The following SNRNP40 variants were observed in gnomAD, a reference collection of about 807,000 sequenced individuals.
SNRNP40 encodes small nuclear ribonucleoprotein U5 subunit 40.
Under a neutral mutation model 45.8 loss-of-function variants are expected in SNRNP40, and 21 were observed. The observed-to-expected ratio is 0.46, with a 90% CI of 0.32 to 0.66. The LOEUF (loss-of-function observed/expected upper bound fraction) is 0.66. Among genes scored for constraint, SNRNP40 ranks in the 30% least tolerant of loss-of-function variants. The pLI is 0.03. For synonymous variants in SNRNP40, 142 were observed against 163.8 expected, an observed-to-expected ratio of 0.87 and a Z score of 1.01; for missense variants, 344 against 439.1, an observed-to-expected ratio of 0.78 and a Z score of 1.94.
intron 5 of SNRNP40, among the ~76,000 whole-genome samples, chr1:31,274,010 G>A (rs966422330): frequency 6.6e-6 from 1 of 151,760 alleles, no homozygotes; most frequent in Non-Finnish European, 1.5e-5. Context: ...GTATTTACTA[G>A]GACAAGATAA....
At chr1:31,269,395 CTCTTT>C in intron 6 of SNRNP40, 155 bp from the exon 7 acceptor site, 1 of 1,397,888 alleles carries the variant, frequency 7.2e-7, no homozygotes, top group Non-Finnish European at 9.3e-7. Context: ...CCTGTTAAGG[CTCTTT>C]TCTTTTTCAA....
At chr1:31,278,018 CAACA>C (rs937714864) in intron 5 of SNRNP40, among the ~76,000 whole-genome samples, 2 of 152,138 alleles carry the variant, frequency 1.3e-5, no homozygotes, top group African/African-American at 4.8e-5. Flanking sequence ...TTACTATCAC[CAACA>C]GAGTACTGAA....
At chr1:31,281,596 A>G (rs546220066) in intron 4 of SNRNP40, 100 bp from the exon 5 acceptor site, 20 of 1,040,514 alleles carry the variant, frequency 1.9e-5, no homozygotes, top group Non-Finnish European at 2.7e-5. Flanking sequence ...GGACATGAAC[A>G]CATCTATAAT....
chr1:31,278,923 T>C (rs1454541317), intron 5 of SNRNP40, among the ~76,000 whole-genome samples: 1 of 151,996 alleles, frequency 6.6e-6, no homozygotes, highest in South Asian at 2.1e-4. Flanking sequence ...CATAATGGTA[T>C]GTAGAGAAGG....
chr1:31,266,757 C>T (rs186940252), intron 8 of SNRNP40, among the ~76,000 whole-genome samples: 267 of 152,306 alleles, frequency 1.8e-3, no homozygotes, highest in Middle Eastern at 0.014. Context: ...GCAGGCATTA[C>T]CAATAGCTGA....
intron 1 of SNRNP40, among the ~76,000 whole-genome samples, chr1:31,296,180 G>A (rs1646154169): frequency 6.6e-6 from 1 of 152,152 alleles, no homozygotes; most frequent in Non-Finnish European, 1.5e-5. Flanking sequence ...AATAATACTA[G>A]TGCAGAGAAA....
chr1:31,271,737 G>A (rs7553457), intron 5 of SNRNP40, among the ~76,000 whole-genome samples: 3,429 of 151,324 alleles, frequency 0.023, 116 homozygotes, highest in African/African-American at 0.078. Flanking sequence ...TTGACTTCCC[G>A]GGCTCAGGTG....
chr1:31,280,426 T>C (rs1258984521), intron 5 of SNRNP40, among the ~76,000 whole-genome samples: 2 of 151,912 alleles, frequency 1.3e-5, no homozygotes, highest in Non-Finnish European at 2.9e-5. Flanking sequence ...CCTCCCAAAG[T>C]GCAGGGATTT....
chr1:31,284,014 CAG>C lies in SNRNP40; in HGVS notation c.532-2520_532-2519del, dbSNP rs372540091. Reference sequence around the variant, plus strand: ...CGAGGCCAGGAGGATGGCTTTAGCCCAGAGTTAGCGACCAGCCTGAGCAACAT... The same window carrying C: ...CGAGGCCAGGAGGATGGCTTTAGCCCAGTTAGCGACCAGCCTGAGCAACAT... On this transcript the variant is annotated intron_variant, in intron 4 of 9. Coordinates refer to ENST00000263694, the MANE Select transcript of SNRNP40 (RefSeq NM_004814.3). Among the ~76,000 whole-genome samples, 215 of 152,250 alleles carry C rather than the reference CAG, an allele frequency of 1.4e-3. 6 individuals are homozygous for C. The South Asian group carries it at 0.042, about 30-fold the overall frequency.
chr1:31,263,271 T>C (rs1446755462), intron 8 of SNRNP40: 2 of 152,686 alleles, frequency 1.3e-5, no homozygotes, highest in Non-Finnish European at 2.9e-5. Context: ...CCAGTATTTT[T>C]ATCATCACAG....
chr1:31,266,235 C>T (rs1172404026), intron 8 of SNRNP40, among the ~76,000 whole-genome samples: 1 of 152,094 alleles, frequency 6.6e-6, no homozygotes, highest in Non-Finnish European at 1.5e-5. Context: ...GCGTTAGGGC[C>T]CCAAATAGAG....
In SNRNP40 at chr1:31,289,281, G is replaced by A. The variant is rs1257700795; in HGVS notation, c.504C>T (p.Cys168=). 3 of 1,613,900 alleles carry A rather than the reference G, an allele frequency of 1.9e-6. No individual in the cohort carries two copies. The highest frequency in any genetic ancestry group is 1.3e-5 in the African/African-American group (1 of 74,918). ...YPARRGPQLV[C]TGSDDGTVKL... ...TAACTGTGCCATCGTCACTGCCAGT[G>A]CAGACAAGCTGAGGGCCTCTCCTGG... Residue 168 remains cysteine, a synonymous_variant, in exon 4 of 10, where the codon TGC becomes TGT. Transcript: ENST00000263694.
chr1:31,275,731 G>A (rs1413861728), intron 5 of SNRNP40, among the ~76,000 whole-genome samples: 1 of 152,046 alleles, frequency 6.6e-6, no homozygotes, highest in East Asian at 1.9e-4. Context: ...TACCTTCTAA[G>A]TAAATTCTAA....
chr1:31,284,298 G>A (rs34064563), intron 4 of SNRNP40, among the ~76,000 whole-genome samples: 82,939 of 151,742 alleles, frequency 0.55, 23,599 homozygotes, highest in Non-Finnish European at 0.63. Context: ...ACAGGCATGC[G>A]CCACCACGCC....
chr1:31,296,545 C>T, intron 1 of SNRNP40, 66 bp downstream of exon 1: 2 of 1,533,428 alleles, frequency 1.3e-6, no homozygotes, highest in Non-Finnish European at 1.8e-6. Context: ...CAGGGATCAC[C>T]AGATACAGCG....
At chr1:31,278,464 T>C (rs1299993404) in intron 5 of SNRNP40, among the ~76,000 whole-genome samples, 1 of 152,208 alleles carries the variant, frequency 6.6e-6, no homozygotes, top group Non-Finnish European at 1.5e-5. Flanking sequence ...GTATGTAAAT[T>C]TACATGTCTT....
intron 1 of SNRNP40, 116 bp from the exon 2 acceptor site, chr1:31,293,464 C>G: frequency 4.8e-6 from 5 of 1,046,688 alleles, no homozygotes; most frequent in Non-Finnish European, 6.8e-6. Flanking sequence ...TGGGTTTCAT[C>G]TGACTTACAG....
At chr1:31,269,972 G>A (rs1042772259) in intron 6 of SNRNP40, among the ~76,000 whole-genome samples, 3 of 152,060 alleles carry the variant, frequency 2.0e-5, no homozygotes, top group South Asian at 2.1e-4. Context: ...GCGTGATCTC[G>A]GCTCACTGCA....
intron 8 of SNRNP40, among the ~76,000 whole-genome samples, chr1:31,264,409 AG>A (rs1329588821): frequency 6.6e-6 from 1 of 152,200 alleles, no homozygotes; most frequent in African/African-American, 2.4e-5. Flanking sequence ...ATAGTGAAAG[AG>A]TATGAGCTCT....
Sources: gnomAD v4.1 joint callset for allele counts (sites outside exome capture counted in the v4.1 genomes callset) on GRCh38, gnomAD v4.1.1 for gene constraint, MANE v1.5 for transcripts, NCBI Gene and HGNC (gene_info 2026-07-23, HGNC 2026-07-21) for gene names.